Variants in YAP1 observed in about 807,000 individuals in gnomAD.
The protein encoded by YAP1 is Yes1 associated transcriptional regulator.
In YAP1, 5 loss-of-function variants were observed where a neutral mutation model predicts 56.9. That is an observed-to-expected ratio of 0.09 (90% CI 0.05 to 0.18). The LOEUF (loss-of-function observed/expected upper bound fraction) is 0.18, where lower values mean the gene tolerates loss of function less well. Among genes scored for constraint, YAP1 ranks in the 10% least tolerant of loss-of-function variants. The pLI is 1.00. For missense variants in YAP1, 539 were observed against 651.8 expected (o/e 0.83, Z 1.88); for synonymous variants, 265 against 248.1 (o/e 1.07, Z -0.64).
rs544710505 is a variant in YAP1 at position 102,116,506 on chromosome 11, A to C, written c.572+2112A>C. Among the ~76,000 whole-genome samples the C allele has an allele frequency of 5.1e-4, 78 of 152,320 alleles. 1 individual carries two copies. Among genetic ancestry groups the C allele is most frequent in the African/African-American group, 1.7e-3 (71 of 41,574 alleles). ...TTCTCTTAAAGGTATTGATATATGT[A>C]GATGGATTAATGAAGGGTATATACC... On this transcript the variant is annotated intron_variant, in intron 2 of 8. Coordinates refer to ENST00000282441, the MANE Select transcript of YAP1 (RefSeq NM_001130145.3).
Position 102,161,047 on chromosome 11 carries a change from TTC to T in YAP1, c.573-1407_573-1406del, listed in dbSNP as rs1436311896. Among the ~76,000 whole-genome samples the T allele has an allele frequency of 5.5e-5, 8 of 146,730 alleles. No individual in the cohort carries two copies. In the East Asian group the frequency reaches 6.0e-4, roughly 11 times the overall value. Reference sequence around the variant, plus strand: ...GCTCTTGGCCAGTGTCACCAATAATTTCTTTCTTTTTTTTTTTTTTTTTTTTT... The same window carrying T: ...GCTCTTGGCCAGTGTCACCAATAATTTTTCTTTTTTTTTTTTTTTTTTTTT... On this transcript the variant is annotated intron_variant, in intron 2 of 8. Transcript: ENST00000282441.
rs1429030308 is a variant in YAP1, at chr11:102,110,744, C to T, written c.-105C>T. 2.8e-6 allele frequency: 3 copies of T among 1,084,136 alleles called. No homozygotes were observed. The highest frequency in any genetic ancestry group is 3.5e-6 in the Non-Finnish European group (3 of 862,444). 67.2% of individuals were successfully genotyped at this position (1,084,136 alleles called of 1,614,324 possible). ...GAGAGCGAGGACAGCGCCGCCCGGC[C>T]CGCAGCCGTCGCCGCTTCTCCACCT... On this transcript the variant is annotated 5_prime_UTR_variant, in exon 1 of 9. Coordinates refer to ENST00000282441, the MANE Select transcript of YAP1 (RefSeq NM_001130145.3).
chr11:102,157,750 A>G (rs1946038479), intron 2 of YAP1, among the ~76,000 whole-genome samples: 1 of 152,206 alleles, frequency 6.6e-6, no homozygotes, highest in Non-Finnish European at 1.5e-5. Flanking sequence ...TCTTTTGGGC[A>G]CATAAAGCAC....
intron 3 of YAP1, among the ~76,000 whole-genome samples, chr11:102,165,680 T>C (rs1284354942): frequency 6.6e-6 from 1 of 152,176 alleles, no homozygotes; most frequent in Admixed American, 6.5e-5. Flanking sequence ...TAATAATTCT[T>C]ATTTATATAC....
intron 7 of YAP1, chr11:102,227,050 C>T (rs545872439): frequency 6.1e-6 from 1 of 162,918 alleles, no homozygotes; most frequent in African/African-American, 2.4e-5. Flanking sequence ...GTCTCTGTGC[C>T]ACCACCACCT....
chr11:102,110,698 G>A lies in YAP1; in HGVS notation c.-151G>A. On this transcript the variant is annotated 5_prime_UTR_variant, in exon 1 of 9. Coordinates refer to ENST00000282441, the MANE Select transcript of YAP1 (RefSeq NM_001130145.3). ...GCGCCGGGGCGGGGGATGCGGGGCCGCGGCGCAGCCCCCCGGCCCTGAGAG... is the reference window on the plus strand; with the variant it reads ...GCGCCGGGGCGGGGGATGCGGGGCCACGGCGCAGCCCCCCGGCCCTGAGAG... 3.3e-6 allele frequency: 2 copies of A among 607,396 alleles called. No individual in the cohort carries two copies. Among genetic ancestry groups the A allele is most frequent in the Non-Finnish European group, 4.5e-6 (2 of 445,546 alleles). 37.6% of individuals were successfully genotyped at this position (607,396 alleles called of 1,614,324 possible).
chr11:102,192,544 A>C (rs926363650), intron 4 of YAP1, among the ~76,000 whole-genome samples: 9 of 152,198 alleles, frequency 5.9e-5, no homozygotes, highest in Admixed American at 5.9e-4. Flanking sequence ...TCTCAGTTGG[A>C]AATCAAGAGA....
At chr11:102,179,621 C>A (rs973543804) in intron 3 of YAP1, among the ~76,000 whole-genome samples, 3 of 152,174 alleles carry the variant, frequency 2.0e-5, no homozygotes, top group Non-Finnish European at 4.4e-5. Context: ...CAGGTCACTT[C>A]CTGCCCTTGA....
intron 6 of YAP1, among the ~76,000 whole-genome samples, chr11:102,220,511 G>T (rs1949873171): frequency 6.6e-6 from 1 of 152,084 alleles, no homozygotes. Flanking sequence ...GCTGGGCTGA[G>T]ATAAAATTAT....
At chr11:102,206,482 A>G (rs1248053188) in intron 5 of YAP1, among the ~76,000 whole-genome samples, 1 of 152,238 alleles carries the variant, frequency 6.6e-6, no homozygotes. Flanking sequence ...ATACACCAAT[A>G]TGACATTTCT....
intron 2 of YAP1, among the ~76,000 whole-genome samples, chr11:102,133,131 C>A (rs1944464816): frequency 6.6e-6 from 1 of 152,024 alleles, no homozygotes; most frequent in African/African-American, 2.4e-5. Flanking sequence ...GCACTCCAGC[C>A]TGGCAACAGA....
intron 2 of YAP1, among the ~76,000 whole-genome samples, chr11:102,157,978 A>G (rs1234479817): frequency 6.6e-6 from 1 of 152,162 alleles, no homozygotes; most frequent in Non-Finnish European, 1.5e-5. Flanking sequence ...AAAAGCTTCT[A>G]TTTATAACGT....
chr11:102,111,576 C>T (rs1011247421), intron 1 of YAP1, among the ~76,000 whole-genome samples: 1 of 150,298 alleles, frequency 6.7e-6, no homozygotes, highest in Non-Finnish European at 1.5e-5. Context: ...CCGCGCGCTC[C>T]GCACCTTCGC....
At chr11:102,220,906 G>A (rs1205941090) in intron 6 of YAP1, among the ~76,000 whole-genome samples, 1 of 152,202 alleles carries the variant, frequency 6.6e-6, no homozygotes, top group Non-Finnish European at 1.5e-5. Flanking sequence ...TATGCATGGA[G>A]GTCATAATTC....
intron 2 of YAP1, among the ~76,000 whole-genome samples, chr11:102,134,450 A>G (rs1443757008): frequency 1.3e-5 from 2 of 149,466 alleles, no homozygotes; most frequent in Non-Finnish European, 3.0e-5. Context: ...ATGCTATGTT[A>G]TGGCTCTTTT....
At chr11:102,186,814 A>ATTGTGTGTGTGTGTG (rs3221111) in intron 4 of YAP1, 5 of 138,418 alleles carry the variant, frequency 3.6e-5, no homozygotes, top group Admixed American at 1.4e-4. Context: ...TTTTTAAAAA[A>ATTGTGTGTGTGTGTG]TGTGTGTGTG....
intron 4 of YAP1, among the ~76,000 whole-genome samples, chr11:102,192,087 C>G (rs1358824061): frequency 6.6e-6 from 1 of 152,150 alleles, no homozygotes; most frequent in Non-Finnish European, 1.5e-5. Flanking sequence ...TTGACCTTTC[C>G]CTTTACTAGT....
chr11:102,134,335 A>G (rs1944547016), intron 2 of YAP1, among the ~76,000 whole-genome samples: 1 of 152,082 alleles, frequency 6.6e-6, no homozygotes, highest in African/African-American at 2.4e-5. Context: ...TCAGGATGCT[A>G]TAAACAACAT....
intron 2 of YAP1, among the ~76,000 whole-genome samples, chr11:102,160,527 AAAAG>A (rs1471211305): frequency 6.6e-6 from 1 of 152,208 alleles, no homozygotes; most frequent in Non-Finnish European, 1.5e-5. Context: ...GATGATTTGA[AAAAG>A]AAAGCATTTA....
Sources: gnomAD v4.1 joint callset for allele counts (sites outside exome capture counted in the v4.1 genomes callset) on GRCh38, gnomAD v4.1.1 for gene constraint, MANE v1.5 for transcripts, NCBI Gene and HGNC (gene_info 2026-07-23, HGNC 2026-07-21) for gene names.